The following CEP131 variants were observed in gnomAD, a reference collection of about 807,000 sequenced individuals.
The protein encoded by CEP131 is centrosomal protein of 131 kDa.
CEP131 carries 99 observed loss-of-function variants against 136.8 expected under a neutral mutation model. The observed-to-expected ratio is 0.72, with a 90% CI of 0.62 to 0.86. The LOEUF (loss-of-function observed/expected upper bound fraction) is 0.86, where lower values mean the gene tolerates loss of function less well. Ranked by LOEUF, CEP131 falls within the 40% of genes least tolerant of loss-of-function variation. The pLI is 0.00. For missense variants in CEP131, 1,459 were observed against 1,463.0 expected (o/e 1.00, Z 0.04); for synonymous variants, 646 against 612.7 (o/e 1.05, Z -0.80).
chr17:81,189,689 C>G lies in CEP131; in HGVS notation c.*80G>C. 1.5e-5 allele frequency: 21 copies of G among 1,424,200 alleles called. No homozygotes were observed. The highest frequency in any genetic ancestry group is 2.0e-5 in the Non-Finnish European group (21 of 1,062,146). 88.2% of individuals were successfully genotyped at this position (1,424,200 alleles called of 1,614,324 possible). A position where few individuals can be genotyped will look rare whatever the true frequency, so the allele number is the denominator to read the frequency against. On this transcript the variant is annotated 3_prime_UTR_variant, in exon 26 of 26. Coordinates refer to ENST00000450824, the MANE Select transcript of CEP131 (RefSeq NM_014984.4). ...CCAGCCTCTGTGGGGGGCAGGTGGG[C>G]GTCCCTGTGGGCCTCTGGGCCCACG...
chr17:81,190,523 G>A, intron 24 of CEP131, 116 bp downstream of exon 24: 1 of 1,310,808 alleles, frequency 7.6e-7, no homozygotes, highest in East Asian at 2.6e-5. Flanking sequence ...ACAGGGCCCT[G>A]TCTCTGCATC....
chr17:81,202,520 G>C, intron 6 of CEP131, 122 bp from the exon 7 acceptor site: 2 of 1,186,130 alleles, frequency 1.7e-6, no homozygotes, highest in Non-Finnish European at 1.2e-6. Flanking sequence ...TGGCAGGCTG[G>C]CAGCCGGGGC....
rs1400242502 is a variant in CEP131, at chr17:81,219,353, GCA to G, written c.177+525_177+526del. 6.6e-6 allele frequency among the ~76,000 whole-genome samples: 1 copy of G among 150,970 alleles called. No individual in the cohort carries two copies. Among genetic ancestry groups the G allele is most frequent in the African/African-American group, 2.4e-5 (1 of 41,002 alleles). On this transcript the variant is annotated intron_variant, in intron 2 of 25. Coordinates refer to ENST00000450824, the MANE Select transcript of CEP131 (RefSeq NM_014984.4). The surrounding 1 kb of genome is among the most constrained non-coding windows in gnomAD (Gnocchi z 4.0). The stretch of plus-strand genomic sequence containing the variant: ...TCTGTCGCCAGGCTGGAGTGCAACG[GCA>G]CGATCTCGGCTCACCGCAACCTCTG...
At chr17:81,199,270 C>G (rs545566072) in intron 10 of CEP131, 111 bp downstream of exon 10, 1 of 1,296,222 alleles carries the variant, frequency 7.7e-7, no homozygotes. Flanking sequence ...GGACTGGGGC[C>G]GCCAACATGG....
In CEP131 at chr17:81,211,374, G is replaced by A. The variant is rs1354368989; in HGVS notation, c.178-2352C>T. On this transcript the variant is annotated intron_variant, in intron 2 of 25. Coordinates refer to ENST00000450824, the MANE Select transcript of CEP131 (RefSeq NM_014984.4). ...GGAGAAACAAGATGCCTTCTGGGAA[G>A]CCTGGGCAGTGCCCATCAGACAGCA... Among the ~76,000 whole-genome samples, 3 of 152,356 alleles carry A rather than the reference G, an allele frequency of 2.0e-5. No homozygotes were observed. In the East Asian group the frequency reaches 5.8e-4, roughly 29 times the overall value.
intron 2 of CEP131, among the ~76,000 whole-genome samples, chr17:81,214,018 C>G (rs949161109): frequency 6.6e-6 from 1 of 152,192 alleles, no homozygotes; most frequent in Non-Finnish European, 1.5e-5. Context: ...ACAGCCCAAA[C>G]AAGCCTGAGA....
Position 81,215,046 on chromosome 17 carries a change from G to C in CEP131, c.177+4834C>G, listed in dbSNP as rs1435805353. On this transcript the variant is annotated intron_variant, in intron 2 of 25. Coordinates refer to ENST00000450824, the MANE Select transcript of CEP131 (RefSeq NM_014984.4). This position sits in a 1 kb window ranked among gnomAD's most constrained non-coding sequence, Gnocchi z 4.1. ...CTTGCCTCAACCTCCCAAAGTGCTG[G>C]GATTACAGGCATGAGCCACCGCGCC... Among the ~76,000 whole-genome samples the C allele has an allele frequency of 6.6e-6, 1 of 151,622 alleles. No individual in the cohort carries two copies. Among genetic ancestry groups the C allele is most frequent in the Non-Finnish European group, 1.5e-5 (1 of 67,944 alleles).
rs902021547 is a variant in CEP131, at chr17:81,203,281, G to A, written c.629+213C>T. Among the ~76,000 whole-genome samples, 4 of 152,198 alleles carry A rather than the reference G, an allele frequency of 2.6e-5. No individual in the cohort carries two copies. The highest frequency in any genetic ancestry group is 5.9e-5 in the Non-Finnish European group (4 of 68,024). On this transcript the variant is annotated intron_variant, in intron 6 of 25. Coordinates refer to ENST00000450824, the MANE Select transcript of CEP131 (RefSeq NM_014984.4). This position sits in a 1 kb window ranked among gnomAD's most constrained non-coding sequence, Gnocchi z 4.6. ...GGCGGCGGACGTGGATGGGGAGCCC[G>A]GTTCACAGCTGCTCCACGCGGTTTT...
chr17:81,217,744 C>A (rs1276685576), intron 2 of CEP131, among the ~76,000 whole-genome samples: 2 of 152,116 alleles, frequency 1.3e-5, no homozygotes, highest in South Asian at 2.1e-4. Context: ...TTAGCAGTCG[C>A]CACTCAACAC....
In CEP131 at chr17:81,189,680, G is replaced by A. The variant is rs2061595825; in HGVS notation, c.*89C>T. The A allele has an allele frequency of 6.7e-6, 9 of 1,352,190 alleles. No homozygotes were observed. The highest frequency in any genetic ancestry group is 2.9e-5 in the African/African-American group (2 of 68,480). The allele number at this position is 1,352,190 out of a possible 1,614,324, so 83.8% of individuals were successfully genotyped here. A position where few individuals can be genotyped will look rare whatever the true frequency, so the allele number is the denominator to read the frequency against. On this transcript the variant is annotated 3_prime_UTR_variant, in exon 26 of 26. Transcript: ENST00000450824. The stretch of plus-strand genomic sequence containing the variant: ...TCTCAACCACCAGCCTCTGTGGGGG[G>A]CAGGTGGGCGTCCCTGTGGGCCTCT...
intron 18 of CEP131, among the ~76,000 whole-genome samples, chr17:81,193,335 A>G (rs931393424): frequency 6.6e-6 from 1 of 152,188 alleles, no homozygotes; most frequent in Non-Finnish European, 1.5e-5. Context: ...GCCAAGCTGC[A>G]TCTGGGGAGG....
At chr17:81,214,307 C>A (rs926408111) in intron 2 of CEP131, among the ~76,000 whole-genome samples, 1 of 152,208 alleles carries the variant, frequency 6.6e-6, no homozygotes, top group African/African-American at 2.4e-5. Context: ...GTAAGCCCAG[C>A]ACTTTGGGAG....
chr17:81,189,871 G>A, intron 25 of CEP131, 28 bp from the exon 26 acceptor site: 1 of 1,612,440 alleles, frequency 6.2e-7, no homozygotes, highest in Non-Finnish European at 8.5e-7. Flanking sequence ...GGTCAGGCCT[G>A]CTCCCAGCCC....
chr17:81,212,027 A>G (rs2062142665), intron 2 of CEP131, among the ~76,000 whole-genome samples: 1 of 152,072 alleles, frequency 6.6e-6, no homozygotes, highest in Non-Finnish European at 1.5e-5. Context: ...AAATATGAAA[A>G]GATGTGGCCG....
Position 81,202,219 on chromosome 17 carries a change from C to G in CEP131, c.788+21G>C, listed in dbSNP as rs201864485. On this transcript the variant is annotated intron_variant, in intron 7 of 25. Transcript: ENST00000450824. ...TGTGTTCTAGGCTCAGGCCCCCCCC[C>G]ACCGCCCCAAGATCGGTCACCTCTC... 223 of 1,552,956 alleles carry G rather than the reference C, an allele frequency of 1.4e-4. 2 individuals carry two copies. The highest frequency in any genetic ancestry group is 9.4e-4 in the South Asian group (79 of 84,064).
chr17:81,202,583 C>T (rs931834915), intron 6 of CEP131, among the ~76,000 whole-genome samples, 185 bp from the exon 7 acceptor site: 1 of 152,198 alleles, frequency 6.6e-6, no homozygotes, highest in African/African-American at 2.4e-5. Context: ...ACATCCTGGC[C>T]TCTGGACCAC....
intron 2 of CEP131, among the ~76,000 whole-genome samples, chr17:81,211,739 C>T (rs2062135230): frequency 1.3e-5 from 2 of 151,646 alleles, no homozygotes; most frequent in Non-Finnish European, 2.9e-5. Context: ...TCAAGCCCAG[C>T]CTGAGCAATA....
chr17:81,192,413 G>A (rs1229712706), intron 20 of CEP131, 21 bp from the exon 21 acceptor site: 8 of 1,611,178 alleles, frequency 5.0e-6, no homozygotes, highest in Non-Finnish European at 5.1e-6. Flanking sequence ...GACATAAGAG[G>A]CCAGTCAGTC....
At chr17:81,200,173 C>A in intron 8 of CEP131, 156 bp downstream of exon 8, 1 of 663,180 alleles carries the variant, frequency 1.5e-6, no homozygotes, top group Non-Finnish European at 2.6e-6. Context: ...CCTGACTGTC[C>A]GCGGGGACCC....
Sources: allele counts gnomAD v4.1 joint callset (sites outside exome capture counted in the v4.1 genomes callset), GRCh38; gene constraint gnomAD v4.1.1; non-coding constraint Gnocchi (gnomAD v3.1); transcripts MANE v1.5; gene names NCBI Gene and HGNC (gene_info 2026-07-23, HGNC 2026-07-21).